The following MMP16 variants were observed in gnomAD, a reference collection of about 807,000 sequenced individuals.
MMP16 encodes the protein matrix metalloproteinase-16.
Under a neutral mutation model 67.8 loss-of-function variants are expected in MMP16, and 12 were observed. The ratio of observed to expected loss-of-function variants is 0.18; its 90% CI spans 0.11 to 0.29. The LOEUF (loss-of-function observed/expected upper bound fraction) is 0.29. MMP16 is among the 10% of genes least tolerant of loss of function. The probability of loss-of-function intolerance (pLI) is 1.00; values close to 1 mark genes in which losing one functional copy is unlikely to be tolerated. For synonymous variants in MMP16, 249 were observed against 255.9 expected, an observed-to-expected ratio of 0.97 and a Z score of 0.26; for missense variants, 475 against 765.7, an observed-to-expected ratio of 0.62 and a Z score of 4.48.
At chr8:88,067,976 T>C (rs939040764) in intron 7 of MMP16, among the ~76,000 whole-genome samples, 5 of 152,138 alleles carry the variant, frequency 3.3e-5, no homozygotes, top group Admixed American at 2.0e-4. Flanking sequence ...TATTTTACTT[T>C]TAAAGAAAAC....
Position 88,037,926 on chromosome 8 carries a change from T to C in MMP16, c.*3535A>G, listed in dbSNP as rs960085756. The C allele has an allele frequency of 2.0e-5, 3 of 152,016 alleles. No homozygotes were observed. Among genetic ancestry groups the C allele is most frequent in the African/African-American group, 7.2e-5 (3 of 41,434 alleles). 9.4% of individuals were successfully genotyped at this position (152,016 alleles called of 1,614,324 possible). A position where few individuals can be genotyped will look rare whatever the true frequency, so the allele number is the denominator to read the frequency against. ...TTTCATTTCAATTTGGGAAATCCTA[T>C]GTCTGAGCTTTTCATGTTATTAGTG... On this transcript the variant is annotated 3_prime_UTR_variant, in exon 10 of 10. Transcript: ENST00000286614.
chr8:88,109,293 T>C (rs1809293968), intron 6 of MMP16, among the ~76,000 whole-genome samples: 1 of 151,348 alleles, frequency 6.6e-6, no homozygotes, highest in African/African-American at 2.4e-5. Context: ...ATTTTTTCTG[T>C]TGACTTTCAT....
intron 1 of MMP16, among the ~76,000 whole-genome samples, chr8:88,273,059 G>T (rs1373506456): frequency 6.6e-6 from 1 of 151,372 alleles, no homozygotes; most frequent in African/African-American, 2.4e-5. Flanking sequence ...TATCCTTCTT[G>T]CTTTGAATAG....
At chr8:88,063,913 C>G (rs969515608) in intron 7 of MMP16, among the ~76,000 whole-genome samples, 9 of 151,902 alleles carry the variant, frequency 5.9e-5, no homozygotes, top group Non-Finnish European at 8.8e-5. Context: ...TTCACTGTAT[C>G]CTGAGTAGTC....
At chr8:88,082,656 C>A (rs768297927) in intron 6 of MMP16, among the ~76,000 whole-genome samples, 1 of 151,864 alleles carries the variant, frequency 6.6e-6, no homozygotes, top group African/African-American at 2.4e-5. Flanking sequence ...CTTATGTTGT[C>A]CTTACTAAAC....
intron 1 of MMP16, among the ~76,000 whole-genome samples, chr8:88,283,288 A>G (rs905419262): frequency 1.3e-5 from 2 of 152,120 alleles, no homozygotes; most frequent in African/African-American, 4.8e-5. Context: ...TTTTCCTTTT[A>G]TATTAACACA....
intron 7 of MMP16, among the ~76,000 whole-genome samples, chr8:88,060,108 A>G (rs1808378686): frequency 6.6e-6 from 1 of 152,040 alleles, no homozygotes; most frequent in African/African-American, 2.4e-5. Context: ...TAAGTTCCCC[A>G]TAAGCTCAAT....
Position 88,033,235 on chromosome 8 carries a change from T to C in MMP16, c.*8226A>G, listed in dbSNP as rs755722756. 8 of 151,434 alleles carry C rather than the reference T, an allele frequency of 5.3e-5. No individual in the cohort carries two copies. The highest frequency in any genetic ancestry group is 1.2e-4 in the Non-Finnish European group (8 of 67,792). 9.4% of individuals were successfully genotyped at this position (151,434 alleles called of 1,614,324 possible). On this transcript the variant is annotated 3_prime_UTR_variant, in exon 10 of 10. Transcript: ENST00000286614. Reference sequence around the variant, plus strand: ...AATGTCTGTGCATTTTTTAAATATATGGTATTTATTTGACAAACTAAGTTT... The same window carrying C: ...AATGTCTGTGCATTTTTTAAATATACGGTATTTATTTGACAAACTAAGTTT...
At chr8:88,148,684 G>T (rs1808337918) in intron 4 of MMP16, among the ~76,000 whole-genome samples, 1 of 152,140 alleles carries the variant, frequency 6.6e-6, no homozygotes, top group South Asian at 2.1e-4. Flanking sequence ...TGAATGTGAT[G>T]TCAAAATATT....
chr8:88,134,835 C>T (rs1808091668), intron 4 of MMP16, among the ~76,000 whole-genome samples: 1 of 151,292 alleles, frequency 6.6e-6, no homozygotes, highest in African/African-American at 2.4e-5. Context: ...AGATCTGATG[C>T]CACTGATATA....
chr8:88,048,718 G>C (rs939478840), intron 8 of MMP16, among the ~76,000 whole-genome samples: 1 of 152,082 alleles, frequency 6.6e-6, no homozygotes, highest in African/African-American at 2.4e-5. Flanking sequence ...AATTTTATTT[G>C]ACAATGCTTT....
intron 1 of MMP16, among the ~76,000 whole-genome samples, chr8:88,218,049 T>C (rs1220192664): frequency 2.0e-5 from 3 of 152,026 alleles, no homozygotes; most frequent in African/African-American, 7.2e-5. Flanking sequence ...TCTGGTCCAC[T>C]ATATTAGGCA....
intron 1 of MMP16, among the ~76,000 whole-genome samples, chr8:88,258,571 T>C (rs1412411055): frequency 6.6e-6 from 1 of 152,320 alleles, no homozygotes; most frequent in East Asian, 1.9e-4. Context: ...AAACCTCATA[T>C]GAACAAAGTA....
At chr8:88,075,668 A>G (rs900919054) in intron 6 of MMP16, among the ~76,000 whole-genome samples, 13 of 152,160 alleles carry the variant, frequency 8.5e-5, no homozygotes, top group African/African-American at 2.9e-4. Context: ...TGTATTTTAA[A>G]AATTGATTTT....
chr8:88,059,337 C>A (rs1586127904), intron 7 of MMP16, among the ~76,000 whole-genome samples: 4 of 151,768 alleles, frequency 2.6e-5, no homozygotes, highest in Non-Finnish European at 5.9e-5. Flanking sequence ...GTGTTAAAGA[C>A]AAAAGTAAAA....
intron 1 of MMP16, among the ~76,000 whole-genome samples, chr8:88,209,070 T>C (rs1362032862): frequency 1.3e-5 from 2 of 152,106 alleles, no homozygotes; most frequent in Non-Finnish European, 2.9e-5. Context: ...CTATGGGCTT[T>C]TCTATGAAGC....
intron 6 of MMP16, among the ~76,000 whole-genome samples, chr8:88,089,479 A>G (rs1808897058): frequency 6.6e-6 from 1 of 151,944 alleles, no homozygotes; most frequent in Non-Finnish European, 1.5e-5. Context: ...AGGAATGGCA[A>G]TTCTAAAAGC....
chr8:88,153,420 C>T (rs1453202668), intron 4 of MMP16, among the ~76,000 whole-genome samples: 1 of 152,154 alleles, frequency 6.6e-6, no homozygotes, highest in Non-Finnish European at 1.5e-5. Context: ...CAACCCTAAG[C>T]CAAAAGAACA....
rs1476127169 is a variant in MMP16, at chr8:88,034,028, A to G, written c.*7433T>C. 6.6e-6 allele frequency: 1 copy of G among 152,046 alleles called. No homozygotes were observed. The highest frequency in any genetic ancestry group is 2.4e-5 in the African/African-American group (1 of 41,442). The allele number at this position is 152,046 out of a possible 1,614,324, so 9.4% of individuals were successfully genotyped here. On this transcript the variant is annotated 3_prime_UTR_variant, in exon 10 of 10. Coordinates refer to ENST00000286614, the MANE Select transcript of MMP16 (RefSeq NM_005941.5). ...ACAGGCAATACCCATCATACTCAGC[A>G]TTTCACTTTTCTCAGGGGAATAGCT...
Sources: gnomAD v4.1 joint callset for allele counts (sites outside exome capture counted in the v4.1 genomes callset) on GRCh38, gnomAD v4.1.1 for gene constraint, MANE v1.5 for transcripts, NCBI Gene and HGNC (gene_info 2026-07-23, HGNC 2026-07-21) for gene names.